Variants in RFX3 observed in about 807,000 individuals in gnomAD.
RFX3 encodes the protein regulatory factor X3.
RFX3 carries 14 observed loss-of-function variants against 98.6 expected under a neutral mutation model. The ratio of observed to expected loss-of-function variants is 0.14; its 90% CI spans 0.09 to 0.22. RFX3 has a LOEUF of 0.22. RFX3 is among the 10% of genes least tolerant of loss of function. The pLI is 1.00. For synonymous variants in RFX3, 383 were observed against 328.4 expected (o/e 1.17, Z -1.80); for missense variants, 639 against 926.9 (o/e 0.69, Z 4.03).
chr9:3,341,607 A>G (rs188776811), intron 3 of RFX3, among the ~76,000 whole-genome samples: 2 of 152,270 alleles, frequency 1.3e-5, no homozygotes, highest in South Asian at 2.1e-4. Context: ...TTCACCCATC[A>G]TTAAATGCCA....
At chr9:3,382,641 A>G (rs182221350) in intron 2 of RFX3, among the ~76,000 whole-genome samples, 3 of 152,164 alleles carry the variant, frequency 2.0e-5, no homozygotes, top group South Asian at 2.1e-4. Context: ...AAGTAGTCCA[A>G]TTGTACCACC....
At chr9:3,330,660 T>C (rs1832486182) in intron 3 of RFX3, 143 bp from the exon 4 acceptor site, 2 of 714,698 alleles carry the variant, frequency 2.8e-6, no homozygotes, top group East Asian at 5.4e-5. Context: ...CAAAACTTCA[T>C]TCCCAGAAAC....
At chr9:3,349,391 A>G (rs1430978455) in intron 2 of RFX3, among the ~76,000 whole-genome samples, 1 of 152,080 alleles carries the variant, frequency 6.6e-6, no homozygotes, top group Non-Finnish European at 1.5e-5. Flanking sequence ...CATCAGCTTG[A>G]TACGCAGTTA....
chr9:3,431,318 C>A (rs753320058), intron 1 of RFX3, among the ~76,000 whole-genome samples: 1 of 152,156 alleles, frequency 6.6e-6, no homozygotes, highest in Non-Finnish European at 1.5e-5. Context: ...GCTGCAAGTG[C>A]TCCCAAGAAG....
intron 4 of RFX3, among the ~76,000 whole-genome samples, chr9:3,315,291 T>G (rs1830456339): frequency 6.7e-6 from 1 of 149,688 alleles, no homozygotes; most frequent in African/African-American, 2.5e-5. Context: ...ACATACGAAA[T>G]GAAGGCAGAA....
intron 2 of RFX3, among the ~76,000 whole-genome samples, chr9:3,358,879 T>G (rs1310631226): frequency 6.6e-6 from 1 of 151,992 alleles, no homozygotes; most frequent in East Asian, 1.9e-4. Flanking sequence ...GGAAAGCCCC[T>G]TATAAAACCA....
At chr9:3,496,247 C>A (rs1433095160) in intron 1 of RFX3, among the ~76,000 whole-genome samples, 1 of 151,926 alleles carries the variant, frequency 6.6e-6, no homozygotes, top group Non-Finnish European at 1.5e-5. Flanking sequence ...AATTTTACTC[C>A]TTGTGCAAAG....
At chr9:3,339,840 T>C (rs898934824) in intron 3 of RFX3, among the ~76,000 whole-genome samples, 28 of 152,132 alleles carry the variant, frequency 1.8e-4, no homozygotes, top group Admixed American at 3.3e-4. Flanking sequence ...AGGTAATTTA[T>C]AGATTCAATG....
chr9:3,454,157 A>C (rs2132925675), intron 1 of RFX3, among the ~76,000 whole-genome samples: 1 of 152,306 alleles, frequency 6.6e-6, no homozygotes, highest in East Asian at 1.9e-4. Context: ...AAAGTAGCTA[A>C]ACAGTATATT....
chr9:3,519,794 C>A (rs1391697433), intron 1 of RFX3, among the ~76,000 whole-genome samples: 1 of 152,068 alleles, frequency 6.6e-6, no homozygotes, highest in Non-Finnish European at 1.5e-5. Context: ...CCATTTTTAA[C>A]TGATTTGTTT....
At chr9:3,398,156 A>G (rs1023853971) in intron 1 of RFX3, among the ~76,000 whole-genome samples, 4 of 152,136 alleles carry the variant, frequency 2.6e-5, no homozygotes, top group Non-Finnish European at 5.9e-5. Context: ...CAATCTTTGA[A>G]CCAGCATTAA....
At chr9:3,467,658 A>G (rs117083192) in intron 1 of RFX3, among the ~76,000 whole-genome samples, 1 of 152,156 alleles carries the variant, frequency 6.6e-6, no homozygotes, top group Non-Finnish European at 1.5e-5. Context: ...ACTAGTCTTC[A>G]AAAGAGGACA....
intron 2 of RFX3, among the ~76,000 whole-genome samples, chr9:3,359,116 G>T (rs371514143): frequency 6.6e-6 from 1 of 151,930 alleles, no homozygotes; most frequent in South Asian, 2.1e-4. Flanking sequence ...TTTGGTGAAA[G>T]TAAGAAATGG....
intron 4 of RFX3, among the ~76,000 whole-genome samples, chr9:3,304,613 G>C (rs903527744): frequency 6.6e-6 from 1 of 152,054 alleles, no homozygotes. Flanking sequence ...TACTGTTCTT[G>C]TGGTAGTGAG....
intron 13 of RFX3, among the ~76,000 whole-genome samples, chr9:3,258,058 G>A (rs1822372019): frequency 6.6e-6 from 1 of 152,040 alleles, no homozygotes; most frequent in African/African-American, 2.4e-5. Flanking sequence ...ATAATTCTTT[G>A]GTAACGTAAT....
At chr9:3,246,783 C>T (rs1820736970) in intron 15 of RFX3, among the ~76,000 whole-genome samples, 1 of 152,174 alleles carries the variant, frequency 6.6e-6, no homozygotes, top group Admixed American at 6.5e-5. Context: ...CACAGTGATT[C>T]CTGCTTAATC....
intron 1 of RFX3, among the ~76,000 whole-genome samples, chr9:3,417,755 G>A (rs1843102879): frequency 6.6e-6 from 1 of 152,042 alleles, no homozygotes; most frequent in East Asian, 1.9e-4. Flanking sequence ...AAGGAAAGGG[G>A]ATCATAAATT....
At chr9:3,226,028 A>G (rs899648750) in intron 16 of RFX3, among the ~76,000 whole-genome samples, 1 of 152,214 alleles carries the variant, frequency 6.6e-6, no homozygotes, top group African/African-American at 2.4e-5. Context: ...TCATTATAAT[A>G]GAATGCCATT....
rs191950217 is a variant in RFX3, at chr9:3,515,698, G to A, written c.-9+10049C>T. Among the ~76,000 whole-genome samples, 22 of 152,198 alleles carry A rather than the reference G, an allele frequency of 1.4e-4. 1 individual carries two copies. The East Asian group carries it at 4.2e-3, about 29-fold the overall frequency. The stretch of plus-strand genomic sequence containing the variant: ...AGCAAAGAATCTCTAAAATGGTTTT[G>A]AACATTAAAGTAAACTATGCTGACT... On this transcript the variant is annotated intron_variant, in intron 1 of 16. Transcript: ENST00000617270.
Sources: gnomAD v4.1 joint callset for allele counts (sites outside exome capture counted in the v4.1 genomes callset) on GRCh38, gnomAD v4.1.1 for gene constraint, MANE v1.5 for transcripts, NCBI Gene and HGNC (gene_info 2026-07-23, HGNC 2026-07-21) for gene names.